The following TRIM9 variants were observed in gnomAD, a reference collection of about 807,000 sequenced individuals.
TRIM9 encodes the protein E3 ubiquitin-protein ligase TRIM9.
Under a neutral mutation model 78.3 loss-of-function variants are expected in TRIM9, and 26 were observed. The ratio of observed to expected loss-of-function variants is 0.33; its 90% confidence interval spans 0.24 to 0.46. The LOEUF (loss-of-function observed/expected upper bound fraction) is 0.46, where lower values mean the gene tolerates loss of function less well. Ranked by LOEUF, TRIM9 falls within the 20% of genes least tolerant of loss-of-function variation. The probability of loss-of-function intolerance (pLI) is 1.00; values close to 1 mark genes in which losing one functional copy is unlikely to be tolerated. For synonymous variants in TRIM9, 398 were observed against 416.5 expected (o/e 0.96, Z 0.54); for missense variants, 787 against 1,036.4 (o/e 0.76, Z 3.30).
At chr14:51,004,936 A>G (rs945371543) in intron 5 of TRIM9, among the ~76,000 whole-genome samples, 1 of 152,210 alleles carries the variant, frequency 6.6e-6, no homozygotes, top group African/African-American at 2.4e-5. Context: ...TTCTACCTTC[A>G]CAACTATGGT....
rs1250596839 is a variant in TRIM9, at chr14:51,016,540, C to T, written c.1042-6046G>A. On this transcript the variant is annotated intron_variant, in intron 3 of 12. Transcript: ENST00000684578. Reference sequence around the variant, plus strand: ...TAACATATCATTAATAACACAATAACATTATGTTATTATTAGCATATTAAT... The same window carrying T: ...TAACATATCATTAATAACACAATAATATTATGTTATTATTAGCATATTAAT... Among the ~76,000 whole-genome samples the T allele has an allele frequency of 6.5e-5, 9 of 137,878 alleles. No individual in the cohort carries two copies. In the East Asian group the frequency reaches 2.0e-3, roughly 30 times the overall value. 90.5% of individuals were successfully genotyped at this position (137,878 alleles called of 152,430 possible). A position where few individuals can be genotyped will look rare whatever the true frequency, so the allele number is the denominator to read the frequency against.
chr14:51,002,347 G>T (rs2055185699), intron 5 of TRIM9, among the ~76,000 whole-genome samples: 1 of 151,574 alleles, frequency 6.6e-6, no homozygotes, highest in Non-Finnish European at 1.5e-5. Context: ...TGTTAGCCAA[G>T]ATGGTCTCGA....
intron 1 of TRIM9, among the ~76,000 whole-genome samples, chr14:51,055,242 A>G (rs569765890): frequency 1.7e-4 from 26 of 152,280 alleles, no homozygotes; most frequent in Admixed American, 3.9e-4. Flanking sequence ...AATAAGAAAT[A>G]AAAGCACGGC....
intron 3 of TRIM9, among the ~76,000 whole-genome samples, chr14:51,017,890 G>C (rs894624613): frequency 1.3e-5 from 2 of 152,108 alleles, no homozygotes; most frequent in African/African-American, 4.8e-5. Flanking sequence ...GGGTAGCCTG[G>C]GCACCCTATC....
rs183588513 is a variant in TRIM9, at chr14:51,038,389, A to G, written c.823-13029T>C. 6.6e-5 allele frequency among the ~76,000 whole-genome samples: 10 copies of G among 152,312 alleles called. No homozygotes were observed. In the East Asian group the frequency reaches 9.6e-4, roughly 15 times the overall value. On this transcript the variant is annotated intron_variant, in intron 1 of 12. Coordinates refer to ENST00000684578, the MANE Select transcript of TRIM9 (RefSeq NM_001387360.1). ...GTTGCTAAGTTTTTTGTACTGTTTC[A>G]TGGCAGCAATAGAAACCTAACACAC...
intron 1 of TRIM9, among the ~76,000 whole-genome samples, chr14:51,057,928 A>C (rs2061016249): frequency 1.3e-5 from 2 of 152,232 alleles, no homozygotes; most frequent in South Asian, 4.1e-4. Flanking sequence ...ATTTATTGAA[A>C]GGATAGACTT....
chr14:51,063,534 A>G (rs916982828), intron 1 of TRIM9, among the ~76,000 whole-genome samples: 2 of 152,136 alleles, frequency 1.3e-5, no homozygotes, highest in African/African-American at 4.8e-5. Context: ...GCAGAAGTAC[A>G]CATACATATG....
intron 1 of TRIM9, among the ~76,000 whole-genome samples, chr14:51,076,242 T>A (rs2062771591): frequency 6.6e-6 from 1 of 152,336 alleles, no homozygotes; most frequent in South Asian, 2.1e-4. Flanking sequence ...AAGCCTGGGT[T>A]CTTTCTCAGA....
chr14:51,034,946 C>A (rs2059014095), intron 1 of TRIM9, among the ~76,000 whole-genome samples: 1 of 152,146 alleles, frequency 6.6e-6, no homozygotes, highest in South Asian at 2.1e-4. Context: ...GCAGGCTACC[C>A]TGGCACATAG....
At chr14:50,999,008 A>G (rs2054589932) in intron 6 of TRIM9, among the ~76,000 whole-genome samples, 1 of 152,204 alleles carries the variant, frequency 6.6e-6, no homozygotes, top group Admixed American at 6.5e-5. Context: ...AAAAATTGGA[A>G]TATTATGTCC....
chr14:51,052,232 G>C (rs1021581538), intron 1 of TRIM9, among the ~76,000 whole-genome samples: 1 of 151,956 alleles, frequency 6.6e-6, no homozygotes, highest in African/African-American at 2.4e-5. Flanking sequence ...ATTAATATGG[G>C]GGAAAACGAC....
chr14:50,983,005 A>C (rs1389545157), intron 9 of TRIM9, 40 bp from the exon 10 acceptor site: 3 of 1,543,504 alleles, frequency 1.9e-6, no homozygotes, highest in Non-Finnish European at 2.6e-6. Flanking sequence ...GGAGAGAGAT[A>C]GGAAGCAAAA....
chr14:51,051,281 G>C (rs2060399469), intron 1 of TRIM9, among the ~76,000 whole-genome samples: 1 of 152,182 alleles, frequency 6.6e-6, no homozygotes, highest in African/African-American at 2.4e-5. Context: ...AGAGGGGAGA[G>C]AAAGAGAGCT....
intron 3 of TRIM9, among the ~76,000 whole-genome samples, chr14:51,014,081 C>T (rs2056884856): frequency 5.9e-5 from 9 of 152,320 alleles, no homozygotes; most frequent in Admixed American, 5.9e-4. Flanking sequence ...AACCCAGAGT[C>T]AGTCTGCTTT....
At chr14:50,993,201 G>A (rs1423011883) in intron 7 of TRIM9, among the ~76,000 whole-genome samples, 1 of 152,130 alleles carries the variant, frequency 6.6e-6, no homozygotes, top group Non-Finnish European at 1.5e-5. Flanking sequence ...AGTGGGGGAA[G>A]GGCCTCTCTA....
At chr14:51,051,367 C>T (rs1045893985) in intron 1 of TRIM9, among the ~76,000 whole-genome samples, 1 of 152,124 alleles carries the variant, frequency 6.6e-6, no homozygotes, top group Non-Finnish European at 1.5e-5. Flanking sequence ...TTCTTCATTC[C>T]CTCTCTCTTT....
intron 1 of TRIM9, among the ~76,000 whole-genome samples, chr14:51,046,186 G>A (rs1441629612): frequency 6.6e-6 from 1 of 152,082 alleles, no homozygotes; most frequent in Non-Finnish European, 1.5e-5. Context: ...AACCAGGTTG[G>A]GTGGGCTAGA....
Position 50,978,940 on chromosome 14 carries a change from C to T in TRIM9, c.2325+447G>A, listed in dbSNP as rs998686125. 7 of 1,058,834 alleles carry T rather than the reference C, an allele frequency of 6.6e-6. No individual in the cohort carries two copies. In the African/African-American group the frequency reaches 1.2e-4, roughly 18 times the overall value. 65.6% of individuals were successfully genotyped at this position (1,058,834 alleles called of 1,614,324 possible). ...ATGTTTTCTACCCCTTAGGACCTAA[C>T]AGAGCCAAACAAGAGTGCAGAGAAG... On this transcript the variant is annotated intron_variant, in intron 12 of 12. Transcript: ENST00000684578.
intron 1 of TRIM9, among the ~76,000 whole-genome samples, chr14:51,086,627 A>G (rs1467490627): frequency 5.9e-5 from 9 of 152,254 alleles, no homozygotes; most frequent in Admixed American, 5.9e-4. Context: ...GGTTCAGTGG[A>G]AGATTTCTCA....
Sources: allele counts gnomAD v4.1 joint callset (sites outside exome capture counted in the v4.1 genomes callset), GRCh38; gene constraint gnomAD v4.1.1; transcripts MANE v1.5; gene names NCBI Gene and HGNC (gene_info 2026-07-23, HGNC 2026-07-21).